SGCZ: variants seen among roughly 807,000 people sequenced by gnomAD.
The protein encoded by SGCZ is sarcoglycan zeta, also known as zeta-sarcoglycan.
A neutral mutation model predicts 41.3 loss-of-function variants in SGCZ; 40 were observed. That is an observed-to-expected ratio of 0.97 (90% CI 0.75 to 1.26). The LOEUF is 1.26. Ranked by LOEUF, SGCZ falls within the 50% of genes most tolerant of loss-of-function variation. SGCZ has a pLI of 0.00. For missense variants in SGCZ, 552 were observed against 369.8 expected, an observed-to-expected ratio of 1.49 and a Z score of -4.04; for synonymous variants, 206 against 137.5, an observed-to-expected ratio of 1.50 and a Z score of -3.49.
intron 2 of SGCZ, among the ~76,000 whole-genome samples, chr8:14,465,767 C>G (rs1343797599): frequency 6.6e-6 from 1 of 151,730 alleles, no homozygotes; most frequent in African/African-American, 2.4e-5. Flanking sequence ...GTAGAAAACT[C>G]TGCTCTTTTG....
chr8:14,575,370 T>A (rs1317709132), intron 1 of SGCZ, among the ~76,000 whole-genome samples: 1 of 152,194 alleles, frequency 6.6e-6, no homozygotes, highest in South Asian at 2.1e-4. Context: ...AAAAACTGGT[T>A]GTGTCCATAT....
intron 1 of SGCZ, among the ~76,000 whole-genome samples, chr8:15,123,155 C>T (rs1807551765): frequency 1.3e-5 from 2 of 152,144 alleles, no homozygotes; most frequent in African/African-American, 2.4e-5. Context: ...TCATTTTTCA[C>T]ACTACCTTCT....
chr8:14,317,067 T>C (rs1031340187), intron 3 of SGCZ, among the ~76,000 whole-genome samples: 2 of 152,056 alleles, frequency 1.3e-5, no homozygotes, highest in Non-Finnish European at 2.9e-5. Flanking sequence ...ATATGCAAAT[T>C]TGCCATCAAA....
intron 3 of SGCZ, among the ~76,000 whole-genome samples, chr8:14,271,745 G>A (rs922678335): frequency 5.3e-5 from 8 of 151,990 alleles, no homozygotes; most frequent in East Asian, 1.9e-4. Context: ...TTCCTTGTCC[G>A]CTTCTAAAAC....
At chr8:14,582,202 A>G (rs1263181566) in intron 1 of SGCZ, among the ~76,000 whole-genome samples, 1 of 152,156 alleles carries the variant, frequency 6.6e-6, no homozygotes, top group African/African-American at 2.4e-5. Context: ...TATGCTATTG[A>G]TAACATAAGC....
chr8:14,671,532 A>G (rs1808101878), intron 1 of SGCZ, among the ~76,000 whole-genome samples: 1 of 152,216 alleles, frequency 6.6e-6, no homozygotes, highest in Non-Finnish European at 1.5e-5. Flanking sequence ...AAATTTCAAG[A>G]AGGACTTATT....
chr8:14,542,244 C>G (rs575278810), intron 2 of SGCZ, among the ~76,000 whole-genome samples: 1 of 152,172 alleles, frequency 6.6e-6, no homozygotes, highest in East Asian at 1.9e-4. Flanking sequence ...AGGTTGTCTT[C>G]TAGGGTTTTT....
intron 1 of SGCZ, among the ~76,000 whole-genome samples, chr8:15,145,213 T>C (rs1348247703): frequency 6.6e-6 from 1 of 152,198 alleles, no homozygotes; most frequent in Non-Finnish European, 1.5e-5. Context: ...TCATTATACA[T>C]TCTCTTTTGT....
chr8:14,360,815 C>G (rs1038576280), intron 2 of SGCZ, among the ~76,000 whole-genome samples: 2 of 152,032 alleles, frequency 1.3e-5, no homozygotes, highest in Non-Finnish European at 1.5e-5. Flanking sequence ...CCATAAATGC[C>G]GCAGAGTACA....
intron 1 of SGCZ, among the ~76,000 whole-genome samples, chr8:14,761,427 C>T (rs1439189522): frequency 2.2e-4 from 33 of 151,788 alleles, no homozygotes; most frequent in Admixed American, 2.2e-3. Flanking sequence ...AAGCAGTCTT[C>T]CTCAAACCAA....
At chr8:14,203,010 AT>A (rs1205099374) in intron 4 of SGCZ, among the ~76,000 whole-genome samples, 6 of 152,136 alleles carry the variant, frequency 3.9e-5, no homozygotes, top group Non-Finnish European at 1.5e-5. Flanking sequence ...GGTTTTAAAA[AT>A]GGGAGTTTCC....
At chr8:14,127,657 C>T (rs1001610629) in intron 5 of SGCZ, among the ~76,000 whole-genome samples, 3 of 152,076 alleles carry the variant, frequency 2.0e-5, no homozygotes, top group Admixed American at 1.3e-4. Flanking sequence ...ATGGTTTCAC[C>T]GTGTTAGCCA....
intron 1 of SGCZ, among the ~76,000 whole-genome samples, chr8:14,588,475 T>C (rs569692063): frequency 2.0e-5 from 3 of 152,210 alleles, no homozygotes; most frequent in Non-Finnish European, 2.9e-5. Context: ...GAATAAACAA[T>C]AACGATAATT....
At chr8:14,339,901 G>T (rs2117074804) in intron 2 of SGCZ, among the ~76,000 whole-genome samples, 1 of 152,144 alleles carries the variant, frequency 6.6e-6, no homozygotes, top group Middle Eastern at 3.4e-3. Flanking sequence ...AGAGAGAACA[G>T]ATGCTAATAA....
chr8:14,348,371 T>C (rs1047750732), intron 2 of SGCZ, among the ~76,000 whole-genome samples: 4 of 152,122 alleles, frequency 2.6e-5, no homozygotes, highest in Admixed American at 6.6e-5. Flanking sequence ...TCACTTCTTG[T>C]GTCCCTGGCT....
chr8:14,303,639 T>G (rs1801262313), intron 3 of SGCZ, among the ~76,000 whole-genome samples: 1 of 152,164 alleles, frequency 6.6e-6, no homozygotes, highest in South Asian at 2.1e-4. Context: ...GCCTAATTCT[T>G]CAATGATGAC....
intron 2 of SGCZ, among the ~76,000 whole-genome samples, chr8:14,456,589 T>C (rs920077675): frequency 9.2e-5 from 14 of 152,016 alleles, no homozygotes; most frequent in Admixed American, 5.9e-4. Flanking sequence ...TTTAACGAGA[T>C]TGGTTACCTA....
chr8:15,208,176 G>T (rs374992372), intron 1 of SGCZ, among the ~76,000 whole-genome samples: 1 of 152,226 alleles, frequency 6.6e-6, no homozygotes, highest in African/African-American at 2.4e-5. Flanking sequence ...CCTGAAGAAT[G>T]TGTAAAGAGA....
rs142448858 is a variant in SGCZ, at chr8:14,482,492, T to C, written c.234+72240A>G. Among the ~76,000 whole-genome samples the C allele has an allele frequency of 5.2e-3, 786 of 152,274 alleles. 4 individuals are homozygous for C. The highest frequency in any genetic ancestry group is 0.027 in the South Asian group (128 of 4,820). On this transcript the variant is annotated intron_variant, in intron 2 of 7. Coordinates refer to ENST00000382080, the MANE Select transcript of SGCZ (RefSeq NM_139167.4). ...CTCTCAGAAACAAAATCATTTTGTTTTCTTATCTGTTAACAAGTATAACAA... is the reference window on the plus strand; with the variant it reads ...CTCTCAGAAACAAAATCATTTTGTTCTCTTATCTGTTAACAAGTATAACAA...
Sources: allele counts gnomAD v4.1 joint callset (sites outside exome capture counted in the v4.1 genomes callset), GRCh38; gene constraint gnomAD v4.1.1; transcripts MANE v1.5; gene names NCBI Gene and HGNC (gene_info 2026-07-23, HGNC 2026-07-21).